The following NIBAN1 variants were observed in gnomAD, a reference collection of about 807,000 sequenced individuals.
NIBAN1 encodes the protein protein Niban 1.
In NIBAN1, 81 loss-of-function variants were observed where a neutral mutation model predicts 75.1. The ratio of observed to expected loss-of-function variants is 1.08; its 90% CI spans 0.90 to 1.30. NIBAN1 has a LOEUF of 1.30. Among genes scored for constraint, NIBAN1 ranks in the 50% most tolerant of loss-of-function variants. The probability of loss-of-function intolerance (pLI) is 0.00; values close to 1 mark genes in which losing one functional copy is unlikely to be tolerated. For synonymous variants in NIBAN1, 436 were observed against 424.8 expected, an observed-to-expected ratio of 1.03 and a Z score of -0.32; for missense variants, 1,133 against 1,128.1, an observed-to-expected ratio of 1.00 and a Z score of -0.06.
intron 2 of NIBAN1, among the ~76,000 whole-genome samples, chr1:184,896,661 T>C (rs1351834606): frequency 6.6e-6 from 1 of 152,176 alleles, no homozygotes; most frequent in African/African-American, 2.4e-5. Flanking sequence ...TCTTTTAAGA[T>C]TTCTATAGTT....
chr1:184,955,420 C>T (rs1322561134), intron 1 of NIBAN1, among the ~76,000 whole-genome samples: 1 of 150,526 alleles, frequency 6.6e-6, no homozygotes, highest in Non-Finnish European at 1.5e-5. Context: ...GAGTGTGCAA[C>T]CTCTGTCTCC....
chr1:184,932,182 G>C (rs1348633919), intron 1 of NIBAN1, among the ~76,000 whole-genome samples: 1 of 152,184 alleles, frequency 6.6e-6, no homozygotes, highest in Non-Finnish European at 1.5e-5. Flanking sequence ...ATGGACCAGG[G>C]TTGGGGTGGC....
chr1:184,899,344 A>T, intron 1 of NIBAN1, 35 bp from the exon 2 acceptor site: 1 of 1,609,860 alleles, frequency 6.2e-7, no homozygotes, highest in Non-Finnish European at 8.5e-7. Flanking sequence ...TCTTAAGTAT[A>T]GCACAGAATA....
chr1:184,832,002 C>T (rs1655013588), intron 5 of NIBAN1, 40 bp from the exon 6 acceptor site: 26 of 1,441,728 alleles, frequency 1.8e-5, no homozygotes, highest in East Asian at 2.3e-5. Flanking sequence ...AGATAAAACA[C>T]TCTAGATTTC....
intron 1 of NIBAN1, among the ~76,000 whole-genome samples, chr1:184,944,135 C>G (rs1160319747): frequency 6.6e-6 from 1 of 152,204 alleles, no homozygotes; most frequent in East Asian, 1.9e-4. Context: ...AGGAAACCCA[C>G]TGCTGCCCTG....
At chr1:184,959,008 C>T (rs999575579) in intron 1 of NIBAN1, among the ~76,000 whole-genome samples, 2 of 152,184 alleles carry the variant, frequency 1.3e-5, no homozygotes, top group Non-Finnish European at 2.9e-5. Context: ...GCATTCAATC[C>T]AAATTTGGAA....
Position 184,794,931 on chromosome 1 carries a change from A to T in NIBAN1, c.*46T>A, listed in dbSNP as rs1201066643. 1 of 1,601,408 alleles carries T rather than the reference A, an allele frequency of 6.2e-7. No homozygotes were observed. The highest frequency in any genetic ancestry group is 1.7e-5 in the Admixed American group (1 of 60,002). ...TGCAACCCCTAAGTGTACCCCTATAACCCTTTGGCTTTTTTCAGAGAAAGA... is the reference window on the plus strand; with the variant it reads ...TGCAACCCCTAAGTGTACCCCTATATCCCTTTGGCTTTTTTCAGAGAAAGA... On this transcript the variant is annotated 3_prime_UTR_variant, in exon 14 of 14. Coordinates refer to ENST00000367511, the MANE Select transcript of NIBAN1 (RefSeq NM_052966.4).
chr1:184,811,825 A>AG (rs1196896882), intron 9 of NIBAN1, among the ~76,000 whole-genome samples: 1 of 152,196 alleles, frequency 6.6e-6, no homozygotes, highest in Non-Finnish European at 1.5e-5. Context: ...GAGGGCTCTC[A>AG]GTAAAGTCCC....
intron 5 of NIBAN1, among the ~76,000 whole-genome samples, chr1:184,869,328 C>G (rs565391836): frequency 1.3e-5 from 2 of 152,124 alleles, no homozygotes; most frequent in South Asian, 4.2e-4. Flanking sequence ...TTAGATCGTC[C>G]AGTATAAAAA....
At chr1:184,802,360 G>T (rs1654067817) in intron 12 of NIBAN1, among the ~76,000 whole-genome samples, 2 of 151,892 alleles carry the variant, frequency 1.3e-5, no homozygotes, top group South Asian at 2.1e-4. Flanking sequence ...CTGAGAGAAG[G>T]TGGATCTGAG....
intron 1 of NIBAN1, among the ~76,000 whole-genome samples, chr1:184,967,451 TAGG>T (rs1311821115): frequency 6.6e-6 from 1 of 152,142 alleles, no homozygotes; most frequent in African/African-American, 2.4e-5. Context: ...AATTTCTGAT[TAGG>T]AGATTAAAGT....
At chr1:184,947,685 G>C (rs1053671709) in intron 1 of NIBAN1, among the ~76,000 whole-genome samples, 1 of 152,254 alleles carries the variant, frequency 6.6e-6, no homozygotes, top group Non-Finnish European at 1.5e-5. Context: ...GCCAGAGAGA[G>C]CTGGCTGGGC....
intron 12 of NIBAN1, among the ~76,000 whole-genome samples, chr1:184,799,089 T>C (rs984423110): frequency 6.6e-6 from 1 of 152,170 alleles, no homozygotes; most frequent in Non-Finnish European, 1.5e-5. Flanking sequence ...ATGTGCACAA[T>C]GTGCAGGTTA....
chr1:184,938,293 G>T (rs1658010172), intron 1 of NIBAN1, among the ~76,000 whole-genome samples: 1 of 152,128 alleles, frequency 6.6e-6, no homozygotes, highest in Non-Finnish European at 1.5e-5. Flanking sequence ...GAATATCAAA[G>T]ACATTTTGGA....
chr1:184,881,608 T>A (rs1302911760), intron 5 of NIBAN1, among the ~76,000 whole-genome samples: 1 of 152,182 alleles, frequency 6.6e-6, no homozygotes, highest in Non-Finnish European at 1.5e-5. Flanking sequence ...AATAAAAGAA[T>A]GGCTGCTCCA....
At chr1:184,895,144 C>T (rs1234513569) in intron 2 of NIBAN1, among the ~76,000 whole-genome samples, 1 of 152,094 alleles carries the variant, frequency 6.6e-6, no homozygotes, top group Non-Finnish European at 1.5e-5. Context: ...AAACAAATTC[C>T]CTTCCAAATT....
In NIBAN1 at chr1:184,794,697, A is replaced by G. The variant is rs1029658096; in HGVS notation, c.*280T>C. On this transcript the variant is annotated 3_prime_UTR_variant, in exon 14 of 14. Transcript: ENST00000367511. ...TTTTCTCAGTCTTCCCTGCAATACT[A>G]TTCCCTCCTCAGACATCCTCAGCTC... is the stretch of plus-strand genomic sequence containing the variant. The G allele has an allele frequency of 1.0e-5, 5 of 488,824 alleles. No individual in the cohort carries two copies. Among genetic ancestry groups the G allele is most frequent in the Non-Finnish European group, 1.9e-5 (5 of 269,464 alleles). 30.3% of individuals were successfully genotyped at this position (488,824 alleles called of 1,614,324 possible).
chr1:184,835,603 C>G (rs1409190250), intron 5 of NIBAN1, among the ~76,000 whole-genome samples: 1 of 152,134 alleles, frequency 6.6e-6, no homozygotes, highest in African/African-American at 2.4e-5. Flanking sequence ...CTCTTTGTAG[C>G]AATTGTGAAT....
At chr1:184,909,424 AC>A (rs1657184135) in intron 1 of NIBAN1, among the ~76,000 whole-genome samples, 1 of 152,176 alleles carries the variant, frequency 6.6e-6, no homozygotes, top group Non-Finnish European at 1.5e-5. Context: ...ATGTAAAAAA[AC>A]GCATTTCTAG....
Sources: gnomAD v4.1 joint callset for allele counts (sites outside exome capture counted in the v4.1 genomes callset) on GRCh38, gnomAD v4.1.1 for gene constraint, MANE v1.5 for transcripts, NCBI Gene and HGNC (gene_info 2026-07-23, HGNC 2026-07-21) for gene names.